Variants in PLCB1 observed in about 807,000 individuals in gnomAD.
The protein encoded by PLCB1 is 1-phosphatidylinositol 4,5-bisphosphate phosphodiesterase beta-1.
A neutral mutation model predicts 161.8 loss-of-function variants in PLCB1; 46 were observed. The observed-to-expected ratio is 0.28, with a 90% confidence interval of 0.22 to 0.36. The LOEUF is 0.36. Among genes scored for constraint, PLCB1 ranks in the 10% least tolerant of loss-of-function variants. The probability of loss-of-function intolerance (pLI) is 1.00; values close to 1 mark genes in which losing one functional copy is unlikely to be tolerated. For synonymous variants in PLCB1, 517 were observed against 503.7 expected, an observed-to-expected ratio of 1.03 and a Z score of -0.35; for missense variants, 1,016 against 1,472.5, an observed-to-expected ratio of 0.69 and a Z score of 5.07.
chr20:8,872,200 A>G (rs1987632315), intron 31 of PLCB1, among the ~76,000 whole-genome samples: 1 of 152,198 alleles, frequency 6.6e-6, no homozygotes, highest in South Asian at 2.1e-4. Context: ...AAGCAAATAT[A>G]ATTATTTAGG....
intron 29 of PLCB1, 36 bp downstream of exon 29, chr20:8,788,758 T>C (rs1983610907): frequency 2.2e-6 from 3 of 1,337,248 alleles, no homozygotes; most frequent in South Asian, 2.5e-5. Context: ...AAACAGTTCA[T>C]CTGGGAATTA....
intron 2 of PLCB1, among the ~76,000 whole-genome samples, chr20:8,353,837 A>C (rs527394771): frequency 2.4e-4 from 36 of 152,224 alleles, no homozygotes; most frequent in African/African-American, 8.2e-4. Context: ...AAAACTAAGG[A>C]ATATCAATGA....
intron 2 of PLCB1, among the ~76,000 whole-genome samples, chr20:8,271,432 T>C (rs1332897164): frequency 6.6e-6 from 1 of 152,130 alleles, no homozygotes; most frequent in Non-Finnish European, 1.5e-5. Context: ...AATCCATGCT[T>C]TAGAATGAAT....
At chr20:8,628,690 T>A (rs1988433153) in intron 4 of PLCB1, 1 of 343,404 alleles carries the variant, frequency 2.9e-6, no homozygotes, top group Non-Finnish European at 5.5e-6. Flanking sequence ...ATCCCAGCAC[T>A]TTGGGAGGCC....
rs369370920 is a variant in PLCB1 at position 8,142,303 on chromosome 20, A to C, written c.100-7991A>C. Among the ~76,000 whole-genome samples, 31 of 152,278 alleles carry C rather than the reference A, an allele frequency of 2.0e-4. 1 individual carries two copies. The South Asian group carries it at 6.4e-3, about 32-fold the overall frequency. ...CGTGACCTTTGAGGTGTTGTGTTAC[A>C]TTGGTTGGAACACCTTGCTCCTTGT... On this transcript the variant is annotated intron_variant, in intron 1 of 31. Transcript: ENST00000338037.
chr20:8,797,442 C>CT (rs1246656121), intron 31 of PLCB1, among the ~76,000 whole-genome samples: 1 of 151,822 alleles, frequency 6.6e-6, no homozygotes, highest in African/African-American at 2.4e-5. Flanking sequence ...TAAAATGAAC[C>CT]TTTTTACTCC....
intron 31 of PLCB1, among the ~76,000 whole-genome samples, chr20:8,833,431 A>T (rs1986109940): frequency 6.6e-6 from 1 of 152,190 alleles, no homozygotes; most frequent in African/African-American, 2.4e-5. Flanking sequence ...CCCTCCCATT[A>T]CTCATGGGGA....
intron 2 of PLCB1, among the ~76,000 whole-genome samples, chr20:8,341,023 T>G (rs1232926594): frequency 6.6e-6 from 1 of 152,214 alleles, no homozygotes; most frequent in African/African-American, 2.4e-5. Flanking sequence ...TCATCCCTTC[T>G]GCCTCTTGCT....
chr20:8,673,171 C>G (rs192449041), intron 9 of PLCB1, among the ~76,000 whole-genome samples: 1 of 151,824 alleles, frequency 6.6e-6, no homozygotes, highest in Non-Finnish European at 1.5e-5. Context: ...CATTCATGAA[C>G]TCAGTGGAAA....
rs145111134 is a variant in PLCB1 at position 8,401,127 on chromosome 20, T to C, written c.246+29677T>C. On this transcript the variant is annotated intron_variant, in intron 3 of 31. Transcript: ENST00000338037. ...GAGCTCTTTATTACTTAAATTTGAA[T>C]TTCTTCTACTGTGAGTGGAGAGGAA... 3.2e-3 allele frequency among the ~76,000 whole-genome samples: 485 copies of C among 150,856 alleles called. 2 individuals are homozygous for C. Among genetic ancestry groups the C allele is most frequent in the Admixed American group, 6.0e-3 (91 of 15,086 alleles).
At chr20:8,487,547 T>C (rs958462178) in intron 3 of PLCB1, among the ~76,000 whole-genome samples, 1 of 152,228 alleles carries the variant, frequency 6.6e-6, no homozygotes, top group Non-Finnish European at 1.5e-5. Flanking sequence ...AGTTTTGTAG[T>C]GGCAGATTAG....
At position 8,818,233 on chromosome 20, in the gene PLCB1, G is replaced by A. The variant is rs551510107; in HGVS notation, c.3423+27972G>A. 3.9e-5 allele frequency among the ~76,000 whole-genome samples: 6 copies of A among 152,264 alleles called. No homozygotes were observed. The East Asian group carries it at 9.6e-4, about 24-fold the overall frequency. ...TAAACAATGCCACATCTAAATATAA[G>A]TATCATATTTAAGTTCCAGAAACAC... On this transcript the variant is annotated intron_variant, in intron 31 of 31. Coordinates refer to ENST00000338037, the MANE Select transcript of PLCB1 (RefSeq NM_015192.4).
intron 2 of PLCB1, among the ~76,000 whole-genome samples, chr20:8,155,122 T>C (rs898278261): frequency 1.3e-5 from 2 of 152,200 alleles, no homozygotes; most frequent in African/African-American, 4.8e-5. Flanking sequence ...CAAAGATCTG[T>C]TATGTTTTAA....
chr20:8,530,493 G>A (rs1984766419), intron 3 of PLCB1, among the ~76,000 whole-genome samples: 1 of 152,150 alleles, frequency 6.6e-6, no homozygotes, highest in Admixed American at 6.6e-5. Flanking sequence ...AAAAAAAGGA[G>A]TATTCCTTGT....
rs34024831 is a variant in PLCB1 at position 8,539,616 on chromosome 20, TTTTCTTTCTTTCTTTC to T, written c.247-88622_247-88607del. Among the ~76,000 whole-genome samples, 31 of 97,270 alleles carry T rather than the reference TTTTCTTTCTTTCTTTC, an allele frequency of 3.2e-4. 1 individual carries two copies. The highest frequency in any genetic ancestry group is 8.3e-4 in the African/African-American group (20 of 24,128). The allele number at this position is 97,270 out of a possible 152,430, so 63.8% of individuals were successfully genotyped here. On this transcript the variant is annotated intron_variant, in intron 3 of 31. Transcript: ENST00000338037. ...GGTAGATACTTGCCTCTTTTCTTTA[TTTTCTTTCTTTCTTTC>T]TTTCTTTCTTTCTTTCTTTCTTTCT...
chr20:8,561,748 T>C (rs957169021), intron 3 of PLCB1, among the ~76,000 whole-genome samples: 1 of 152,044 alleles, frequency 6.6e-6, no homozygotes, highest in African/African-American at 2.4e-5. Flanking sequence ...GAATAAGTCT[T>C]CTTTATACCC....
chr20:8,710,734 G>A (rs112412473), intron 12 of PLCB1, among the ~76,000 whole-genome samples: 5 of 151,790 alleles, frequency 3.3e-5, no homozygotes, highest in Admixed American at 6.6e-5. Context: ...GGCTAGTCTC[G>A]AACTCCCGAC....
chr20:8,160,060 C>A (rs909181663), intron 2 of PLCB1, among the ~76,000 whole-genome samples: 18 of 150,848 alleles, frequency 1.2e-4, no homozygotes, highest in Non-Finnish European at 2.4e-4. Flanking sequence ...CTCTCTAGTT[C>A]AAAGTTCTCT....
chr20:8,774,487 C>A (rs1197166380), intron 26 of PLCB1, 52 bp from the exon 27 acceptor site: 3 of 1,489,270 alleles, frequency 2.0e-6, no homozygotes, highest in Non-Finnish European at 2.7e-6. Context: ...AACCTTCCCT[C>A]CACCTTGTTA....
Sources: allele counts gnomAD v4.1 joint callset (sites outside exome capture counted in the v4.1 genomes callset), GRCh38; gene constraint gnomAD v4.1.1; transcripts MANE v1.5; gene names NCBI Gene and HGNC (gene_info 2026-07-23, HGNC 2026-07-21).